Variants in SEMA3A observed in about 807,000 individuals in gnomAD.
SEMA3A encodes semaphorin 3A.
SEMA3A carries 29 observed loss-of-function variants against 97.9 expected under a neutral mutation model. The observed-to-expected ratio is 0.30, with a 90% CI of 0.22 to 0.40. The LOEUF (loss-of-function observed/expected upper bound fraction) is 0.40, where lower values mean the gene tolerates loss of function less well. SEMA3A is among the 10% of genes least tolerant of loss of function. SEMA3A has a pLI of 1.00. For synonymous variants in SEMA3A, 321 were observed against 323.7 expected (o/e 0.99, Z 0.09); for missense variants, 763 against 951.3 (o/e 0.80, Z 2.60).
At chr7:84,187,264 T>G (rs1237502035) in intron 1 of SEMA3A, among the ~76,000 whole-genome samples, 5 of 152,186 alleles carry the variant, frequency 3.3e-5, no homozygotes, top group Admixed American at 3.3e-4. Flanking sequence ...TCACAAACAT[T>G]CAGATACAAT....
At chr7:84,475,405 T>A (rs548544407) in intron 1 of SEMA3A, among the ~76,000 whole-genome samples, 71 of 152,210 alleles carry the variant, frequency 4.7e-4, no homozygotes, top group African/African-American at 1.6e-3. Flanking sequence ...GGTTAAAAAA[T>A]TCATAGGAAA....
chr7:84,030,998 T>TG (rs1562984682), intron 6 of SEMA3A, among the ~76,000 whole-genome samples: 37 of 143,306 alleles, frequency 2.6e-4, no homozygotes, highest in African/African-American at 9.0e-4. Context: ...TTTTTTTTTT[T>TG]TTTTTTTTTT....
intron 3 of SEMA3A, among the ~76,000 whole-genome samples, chr7:84,269,999 C>T (rs1326579263): frequency 6.6e-6 from 1 of 151,948 alleles, no homozygotes; most frequent in Non-Finnish European, 1.5e-5. Context: ...ACAAAAAATG[C>T]TTTTCTCCTC....
chr7:84,267,705 A>T (rs1056639707), intron 3 of SEMA3A, among the ~76,000 whole-genome samples: 3 of 152,154 alleles, frequency 2.0e-5, no homozygotes, highest in Non-Finnish European at 4.4e-5. Flanking sequence ...AAGTGATTTC[A>T]TGGTCATTTA....
At chr7:84,488,512 G>A (rs1336886036) in intron 1 of SEMA3A, among the ~76,000 whole-genome samples, 2 of 151,886 alleles carry the variant, frequency 1.3e-5, no homozygotes, top group Non-Finnish European at 2.9e-5. Context: ...GCGGGAATGT[G>A]TTTAGGTGAT....
intron 1 of SEMA3A, among the ~76,000 whole-genome samples, chr7:84,481,341 A>C (rs2116433740): frequency 6.6e-6 from 1 of 152,296 alleles, no homozygotes; most frequent in South Asian, 2.1e-4. Flanking sequence ...AATGAACATT[A>C]TTTCAAAGCT....
intron 10 of SEMA3A, among the ~76,000 whole-genome samples, chr7:84,006,749 G>A (rs887373651): frequency 2.6e-5 from 4 of 152,098 alleles, no homozygotes; most frequent in Admixed American, 6.6e-5. Flanking sequence ...AAGAAGCTTA[G>A]AATGAGAAAT....
intron 1 of SEMA3A, among the ~76,000 whole-genome samples, chr7:84,150,618 A>C (rs901875958): frequency 3.3e-5 from 5 of 152,276 alleles, no homozygotes; most frequent in Non-Finnish European, 7.3e-5. Flanking sequence ...GATTGCTAGC[A>C]CAGCAGTCTG....
In SEMA3A at chr7:84,270,962, C is replaced by T. The variant is rs1292860676; in HGVS notation, c.-83+36245G>A. Among the ~76,000 whole-genome samples, 2 of 151,872 alleles carry T rather than the reference C, an allele frequency of 1.3e-5. 1 individual carries two copies. The highest frequency in any genetic ancestry group is 2.9e-5 in the Non-Finnish European group (2 of 67,976). ...CTGGTTCACCTATTGAATAGGTTGACATTTTTTCAGATTAGTAGTACTCAG... is the reference window on the plus strand; with the variant it reads ...CTGGTTCACCTATTGAATAGGTTGATATTTTTTCAGATTAGTAGTACTCAG... On this transcript the variant is annotated intron_variant, in intron 3 of 3. Transcript: ENST00000424555.
intron 1 of SEMA3A, among the ~76,000 whole-genome samples, chr7:84,142,273 T>A (rs1403872718): frequency 6.6e-6 from 1 of 152,142 alleles, no homozygotes; most frequent in African/African-American, 2.4e-5. Flanking sequence ...CTAAAAACTA[T>A]GTGGAGTATT....
At chr7:84,308,044 T>C (rs1801208434) in intron 2 of SEMA3A, among the ~76,000 whole-genome samples, 1 of 151,954 alleles carries the variant, frequency 6.6e-6, no homozygotes. Flanking sequence ...GCAATGGAGA[T>C]TCATTAGCTA....
At chr7:84,282,963 G>C (rs903238489) in intron 3 of SEMA3A, among the ~76,000 whole-genome samples, 1 of 151,930 alleles carries the variant, frequency 6.6e-6, no homozygotes, top group Non-Finnish European at 1.5e-5. Context: ...GCAGCGAACA[G>C]AGATCACACC....
chr7:84,393,412 G>A (rs1265468249), intron 1 of SEMA3A, among the ~76,000 whole-genome samples: 1 of 152,058 alleles, frequency 6.6e-6, no homozygotes, highest in Non-Finnish European at 1.5e-5. Context: ...AAAGAACAAA[G>A]CCGGAGGCAT....
intron 3 of SEMA3A, among the ~76,000 whole-genome samples, chr7:84,279,768 G>C (rs913094425): frequency 6.6e-6 from 1 of 152,168 alleles, no homozygotes; most frequent in Non-Finnish European, 1.5e-5. Context: ...CTTGAAGTTA[G>C]TCAAATACCT....
intron 1 of SEMA3A, among the ~76,000 whole-genome samples, chr7:84,449,494 C>T (rs980279660): frequency 2.8e-4 from 43 of 152,056 alleles, no homozygotes; most frequent in African/African-American, 1.0e-3. Context: ...GACACCACTA[C>T]AGATCATACA....
intron 1 of SEMA3A, among the ~76,000 whole-genome samples, chr7:84,452,379 A>T (rs1295162894): frequency 6.6e-6 from 1 of 152,192 alleles, no homozygotes; most frequent in Non-Finnish European, 1.5e-5. Context: ...TGGGCACCTT[A>T]GTGGAGAATG....
intron 4 of SEMA3A, among the ~76,000 whole-genome samples, chr7:84,091,973 A>G (rs1794616552): frequency 6.6e-6 from 1 of 152,154 alleles, no homozygotes; most frequent in Admixed American, 6.6e-5. Flanking sequence ...AAGTCTACAC[A>G]CTACACTAAA....
At chr7:84,422,020 T>C (rs1375835219) in intron 1 of SEMA3A, among the ~76,000 whole-genome samples, 1 of 152,130 alleles carries the variant, frequency 6.6e-6, no homozygotes, top group Non-Finnish European at 1.5e-5. Flanking sequence ...ATCAGGATGA[T>C]GCTGGCCTCA....
chr7:84,262,282 C>G (rs1347953808), intron 3 of SEMA3A, among the ~76,000 whole-genome samples: 6 of 151,954 alleles, frequency 3.9e-5, no homozygotes, highest in Admixed American at 3.9e-4. Flanking sequence ...TGGTACGAGC[C>G]TGGCTCATTG....
Sources: gnomAD v4.1 joint callset for allele counts (sites outside exome capture counted in the v4.1 genomes callset) on GRCh38, gnomAD v4.1.1 for gene constraint, MANE v1.5 for transcripts, NCBI Gene and HGNC (gene_info 2026-07-23, HGNC 2026-07-21) for gene names.